Variants in PCDH15 observed in about 807,000 individuals in gnomAD.
PCDH15 encodes protocadherin related 15, also known as protocadherin-15.
PCDH15 carries 129 observed loss-of-function variants against 178.5 expected under a neutral mutation model. The ratio of observed to expected loss-of-function variants is 0.72; its 90% CI spans 0.63 to 0.84. PCDH15 has a LOEUF of 0.84. PCDH15 is among the 40% of genes least tolerant of loss of function. The pLI is 0.00. For synonymous variants in PCDH15, 800 were observed against 732.0 expected (o/e 1.09, Z -1.50); for missense variants, 2,230 against 2,099.9 (o/e 1.06, Z -1.21).
chr10:54,903,878 C>G (rs1376757033), intron 2 of PCDH15, among the ~76,000 whole-genome samples: 1 of 151,952 alleles, frequency 6.6e-6, no homozygotes, highest in Non-Finnish European at 1.5e-5. Flanking sequence ...GCGTAGTTCC[C>G]TCCCACAACA....
intron 1 of PCDH15, among the ~76,000 whole-genome samples, chr10:54,779,963 A>G (rs1950202301): frequency 6.6e-6 from 1 of 152,182 alleles, no homozygotes; most frequent in Non-Finnish European, 1.5e-5. Flanking sequence ...ATCATAATTT[A>G]TAGCACATGG....
intron 8 of PCDH15, among the ~76,000 whole-genome samples, chr10:54,247,955 T>A (rs181031771): frequency 6.8e-6 from 1 of 147,038 alleles, no homozygotes. Context: ...TATATATATA[T>A]ATATACACAT....
intron 1 of PCDH15, among the ~76,000 whole-genome samples, chr10:55,175,520 G>A (rs954004357): frequency 6.6e-6 from 1 of 151,550 alleles, no homozygotes; most frequent in African/African-American, 2.4e-5. Flanking sequence ...AAAATTTCCC[G>A]GGCATGGTGG....
chr10:54,429,853 G>T (rs143867106), intron 3 of PCDH15, among the ~76,000 whole-genome samples: 1 of 151,990 alleles, frequency 6.6e-6, no homozygotes, highest in African/African-American at 2.4e-5. Flanking sequence ...TATTATTAGC[G>T]ATAAAGAGAG....
At chr10:55,284,242 C>T (rs1842809615) in intron 1 of PCDH15, among the ~76,000 whole-genome samples, 1 of 148,258 alleles carries the variant, frequency 6.7e-6, no homozygotes, top group African/African-American at 2.6e-5. Flanking sequence ...TCTAAGCCTT[C>T]GTTAGGACAG....
chr10:55,413,612 AATAAACG>A (rs1280008306), intron 2 of PCDH15, among the ~76,000 whole-genome samples: 2 of 151,688 alleles, frequency 1.3e-5, no homozygotes, highest in African/African-American at 4.8e-5. Flanking sequence ...CAGTTATTCA[AATAAACG>A]ATACATTTTA....
chr10:54,018,031 G>C (rs1202465640), intron 20 of PCDH15, among the ~76,000 whole-genome samples: 1 of 152,056 alleles, frequency 6.6e-6, no homozygotes, highest in African/African-American at 2.4e-5. Context: ...TAGCTATTTA[G>C]CAGGATAACA....
intron 2 of PCDH15, among the ~76,000 whole-genome samples, chr10:55,035,268 C>CAAA (rs1234154693): frequency 6.6e-6 from 1 of 152,084 alleles, no homozygotes; most frequent in Non-Finnish European, 1.5e-5. Context: ...TTTTTGTATG[C>CAAA]AATTAGCATT....
chr10:54,568,229 G>C (rs1258327996), intron 2 of PCDH15, among the ~76,000 whole-genome samples: 1 of 151,746 alleles, frequency 6.6e-6, no homozygotes, highest in Non-Finnish European at 1.5e-5. Flanking sequence ...TGCTTGAAAT[G>C]GCTCATCTTC....
intron 8 of PCDH15, among the ~76,000 whole-genome samples, chr10:54,239,462 CAA>C (rs2055010705): frequency 6.8e-6 from 1 of 146,370 alleles, no homozygotes; most frequent in African/African-American, 2.6e-5. Flanking sequence ...TAAAAAGAAA[CAA>C]GTGTAGTATT....
At chr10:54,658,971 A>G (rs1315955507) in intron 2 of PCDH15, among the ~76,000 whole-genome samples, 2 of 152,110 alleles carry the variant, frequency 1.3e-5, no homozygotes, top group African/African-American at 4.8e-5. Flanking sequence ...AGAAAACAAC[A>G]AAGATCAGGG....
chr10:54,512,991 T>G (rs2081861507), intron 3 of PCDH15, among the ~76,000 whole-genome samples: 1 of 152,054 alleles, frequency 6.6e-6, no homozygotes, highest in South Asian at 2.1e-4. Context: ...GCTGATAAAC[T>G]TCATCTGTCA....
At chr10:54,414,825 C>T (rs1293677264) in intron 3 of PCDH15, among the ~76,000 whole-genome samples, 1 of 151,870 alleles carries the variant, frequency 6.6e-6, no homozygotes, top group African/African-American at 2.4e-5. Flanking sequence ...TCTTTAATAC[C>T]ATGATATAAG....
chr10:54,216,251 T>A (rs1275087283), intron 9 of PCDH15, among the ~76,000 whole-genome samples: 4 of 151,374 alleles, frequency 2.6e-5, no homozygotes, highest in South Asian at 4.2e-4. Context: ...AGGTTAGGAG[T>A]TCGAGACCAG....
intron 3 of PCDH15, among the ~76,000 whole-genome samples, chr10:54,435,403 C>T (rs2075313885): frequency 6.6e-6 from 1 of 152,172 alleles, no homozygotes; most frequent in South Asian, 2.1e-4. Context: ...TGCTAGGTCT[C>T]ATAACATGCT....
chr10:55,098,717 C>A (rs531580649), intron 2 of PCDH15, among the ~76,000 whole-genome samples: 6 of 152,152 alleles, frequency 3.9e-5, no homozygotes, highest in African/African-American at 1.4e-4. Flanking sequence ...AACCAATTTG[C>A]GGGCTCTATG....
chr10:54,934,997 G>A (rs554369746), intron 2 of PCDH15, among the ~76,000 whole-genome samples: 7 of 150,844 alleles, frequency 4.6e-5, no homozygotes, highest in Admixed American at 3.3e-4. Flanking sequence ...ACCAAACACC[G>A]CATGTTCTCA....
rs1491209806 is a variant in PCDH15, at chr10:53,822,817, CTT to C, written c.4368-2589_4368-2588del. 59 of 1,613,986 alleles carry C rather than the reference CTT, an allele frequency of 3.7e-5. No homozygotes were observed. Among genetic ancestry groups the C allele is most frequent in the Non-Finnish European group, 4.8e-5 (57 of 1,179,988 alleles). On this transcript the variant is annotated intron_variant, in intron 32 of 37. Coordinates refer to ENST00000644397, the MANE Select transcript of PCDH15 (RefSeq NM_001384140.1). ...AGTGTTTCACCTTGCCTTATTTCCT[CTT>C]TCTCTGTCAAATTTGCCTCTTCAGT...
At chr10:54,661,625 G>C (rs566144252) in intron 2 of PCDH15, among the ~76,000 whole-genome samples, 1 of 151,840 alleles carries the variant, frequency 6.6e-6, no homozygotes, top group Admixed American at 6.6e-5. Context: ...ATGAAGTTGG[G>C]GGCATCACAT....
Sources: gnomAD v4.1 joint callset for allele counts (sites outside exome capture counted in the v4.1 genomes callset) on GRCh38, gnomAD v4.1.1 for gene constraint, MANE v1.5 for transcripts, NCBI Gene and HGNC (gene_info 2026-07-23, HGNC 2026-07-21) for gene names.